PKHD1: variants seen among roughly 807,000 people sequenced by gnomAD.
The protein encoded by PKHD1 is PKHD1 ciliary IPT domain containing fibrocystin/polyductin, also known as fibrocystin.
Under a neutral mutation model 412.0 loss-of-function variants are expected in PKHD1, and 291 were observed. That is an observed-to-expected ratio of 0.71 (90% CI 0.64 to 0.78). The LOEUF (loss-of-function observed/expected upper bound fraction) is 0.78. Ranked by LOEUF, PKHD1 falls within the 30% of genes least tolerant of loss-of-function variation. PKHD1 has a pLI of 0.00. For synonymous variants in PKHD1, 1,777 were observed against 1,821.5 expected (o/e 0.98, Z 0.62); for missense variants, 4,825 against 4,950.7 (o/e 0.97, Z 0.76).
intron 37 of PKHD1, among the ~76,000 whole-genome samples, chr6:51,931,582 T>TA (rs1458375725): frequency 6.6e-6 from 1 of 152,158 alleles, no homozygotes; most frequent in Non-Finnish European, 1.5e-5. Context: ...CTCTGACAGA[T>TA]ACATCAGGAA....
chr6:51,934,767 G>C (rs1787206071), intron 36 of PKHD1, among the ~76,000 whole-genome samples: 1 of 152,136 alleles, frequency 6.6e-6, no homozygotes. Context: ...GGCATTTGTA[G>C]CATTTTAGCT....
chr6:51,836,068 C>A (rs913123362), intron 51 of PKHD1, among the ~76,000 whole-genome samples: 1 of 152,042 alleles, frequency 6.6e-6, no homozygotes, highest in Admixed American at 6.5e-5. Flanking sequence ...TTAGAGATAC[C>A]CTGAATTTTT....
chr6:51,710,724 T>A (rs1045526538), intron 60 of PKHD1, among the ~76,000 whole-genome samples: 4 of 152,218 alleles, frequency 2.6e-5, no homozygotes, highest in African/African-American at 9.6e-5. Flanking sequence ...ATTGAATATA[T>A]GCAACATATT....
In PKHD1 at chr6:51,834,308, G is replaced by A. The variant is rs1768797492; in HGVS notation, c.8173+2096C>T. Among the ~76,000 whole-genome samples the A allele has an allele frequency of 2.0e-5, 3 of 152,254 alleles. No individual in the cohort carries two copies. The South Asian group carries it at 6.2e-4, about 32-fold the overall frequency. On this transcript the variant is annotated intron_variant, in intron 51 of 66. Coordinates refer to ENST00000371117, the MANE Select transcript of PKHD1 (RefSeq NM_138694.4). ...ACTTTGAACAAGACTAGGGCTGCCTGATTCTCAGAGATCAAAGAAAGCGAC... is the reference window on the plus strand; with the variant it reads ...ACTTTGAACAAGACTAGGGCTGCCTAATTCTCAGAGATCAAAGAAAGCGAC...
chr6:51,934,272 C>A lies in PKHD1; in HGVS notation c.5959G>T (p.Ala1987Ser), dbSNP rs375949362. The stretch of plus-strand genomic sequence containing the variant: ...TCTCCACCATCAGAAACAAGGATGG[C>A]GTGTGCCCTGAGCTCGATGGGTCCT... Reference protein sequence around the residue: ...APGPIELRAHAILVSDGGELR... With the variant: ...APGPIELRAHSILVSDGGELR... Residue 1987 changes from alanine (A) to serine (S), a missense_variant, in exon 37 of 67, where the codon GCC (alanine) becomes TCC (serine). Transcript: ENST00000371117. 5 of 1,613,404 alleles carry A rather than the reference C, an allele frequency of 3.1e-6. No homozygotes were observed. The African/African-American group carries it at 5.3e-5, about 17-fold the overall frequency.
chr6:51,873,361 T>C (rs1776307561), intron 46 of PKHD1, among the ~76,000 whole-genome samples: 1 of 152,184 alleles, frequency 6.6e-6, no homozygotes, highest in Non-Finnish European at 1.5e-5. Context: ...GCTTGCCCTT[T>C]GGCTAGGGCG....
At chr6:51,841,949 T>G (rs1210955361) in intron 50 of PKHD1, among the ~76,000 whole-genome samples, 2 of 152,218 alleles carry the variant, frequency 1.3e-5, no homozygotes, top group African/African-American at 4.8e-5. Context: ...CACTCCTGAT[T>G]TTTTAGGCTC....
At chr6:52,074,497 T>G (rs1409533429) in intron 6 of PKHD1, among the ~76,000 whole-genome samples, 1 of 152,218 alleles carries the variant, frequency 6.6e-6, no homozygotes, top group Admixed American at 6.5e-5. Flanking sequence ...TTAATAGGGC[T>G]AAATGATCGA....
intron 55 of PKHD1, among the ~76,000 whole-genome samples, chr6:51,770,468 T>TA (rs1317477885): frequency 2.3e-5 from 3 of 130,744 alleles, no homozygotes; most frequent in African/African-American, 2.4e-5. Flanking sequence ...TTTCCTCTGG[T>TA]AAAAAAGTTA....
intron 52 of PKHD1, among the ~76,000 whole-genome samples, chr6:51,799,963 C>T (rs1033692701): frequency 6.6e-6 from 1 of 152,154 alleles, no homozygotes; most frequent in African/African-American, 2.4e-5. Flanking sequence ...CCTATCCTGT[C>T]AGTGACCAAT....
rs1448849583 is a variant in PKHD1, at chr6:52,066,581, A to C, written c.779-504T>G. Among the ~76,000 whole-genome samples the C allele has an allele frequency of 2.0e-5, 3 of 152,210 alleles. No individual in the cohort carries two copies. In the East Asian group the frequency reaches 5.8e-4, roughly 29 times the overall value. On this transcript the variant is annotated intron_variant, in intron 11 of 66. Coordinates refer to ENST00000371117, the MANE Select transcript of PKHD1 (RefSeq NM_138694.4). ...CACATGTACCTCACACCTCATACCC[A>C]GTTCTTTCATGCTGCTCCTGATTGT...
At chr6:51,874,251 G>A (rs1361952583) in intron 46 of PKHD1, among the ~76,000 whole-genome samples, 1 of 149,826 alleles carries the variant, frequency 6.7e-6, no homozygotes, top group Non-Finnish European at 1.5e-5. Context: ...TCGATAAGTA[G>A]GGTGACCGTA....
In PKHD1 at chr6:51,749,400, T is replaced by C. The variant is rs540071255; in HGVS notation, c.8951-735A>G. ...GTAGTTTTATTTGTACTGTTTTAAA[T>C]AGATATTGTTAAAACACACTATAAA... On this transcript the variant is annotated intron_variant, in intron 57 of 66. Transcript: ENST00000371117. 2.6e-5 allele frequency among the ~76,000 whole-genome samples: 4 copies of C among 152,316 alleles called. No individual in the cohort carries two copies. The East Asian group carries it at 7.7e-4, about 29-fold the overall frequency.
chr6:51,716,185 C>A lies in PKHD1; in HGVS notation c.10156+28200G>T, dbSNP rs576170695. Among the ~76,000 whole-genome samples, 11 of 152,186 alleles carry A rather than the reference C, an allele frequency of 7.2e-5. No homozygotes were observed. The South Asian group carries it at 2.3e-3, about 32-fold the overall frequency. ...TTTGTATAATAAGGCCAAGAGAAGA[C>A]CAAAAGCTAGAATGTTCTGTGAATA... On this transcript the variant is annotated intron_variant, in intron 60 of 66. Transcript: ENST00000371117.
chr6:51,775,441 C>G (rs1790859541), intron 54 of PKHD1, among the ~76,000 whole-genome samples: 1 of 151,766 alleles, frequency 6.6e-6, no homozygotes, highest in Admixed American at 6.6e-5. Flanking sequence ...AGTGAATGTT[C>G]CTTATTAATT....
chr6:51,741,020 C>A, intron 60 of PKHD1: 1 of 500,528 alleles, frequency 2.0e-6, no homozygotes, highest in Non-Finnish European at 4.0e-6. Context: ...TGCTTGTCCA[C>A]ACACTGATAG....
rs555055425 is a variant in PKHD1 at position 51,980,678 on chromosome 6, G to A, written c.5752-20652C>T. 2.0e-5 allele frequency among the ~76,000 whole-genome samples: 3 copies of A among 152,304 alleles called. No individual in the cohort carries two copies. In the East Asian group the frequency reaches 5.8e-4, roughly 29 times the overall value. On this transcript the variant is annotated intron_variant, in intron 35 of 66. Coordinates refer to ENST00000371117, the MANE Select transcript of PKHD1 (RefSeq NM_138694.4). ...GTGGACGTTTACAAGAGAAGGTAGAGAAAATGAAAGCTAAAAGGTAGCAGT... is the reference window on the plus strand; with the variant it reads ...GTGGACGTTTACAAGAGAAGGTAGAAAAAATGAAAGCTAAAAGGTAGCAGT...
At chr6:51,724,275 G>A (rs1782286443) in intron 60 of PKHD1, among the ~76,000 whole-genome samples, 1 of 152,008 alleles carries the variant, frequency 6.6e-6, no homozygotes, top group Admixed American at 6.6e-5. Context: ...GTGTTCAAAG[G>A]GAGTGATTTG....
rs765390756 is a variant in PKHD1, at chr6:51,659,170, TG to T, written c.10955del (p.Pro3652GlnfsTer2). On this transcript the variant is annotated frameshift_variant, in exon 61 of 67. Transcript: ENST00000371117. LOFTEE classifies it high-confidence loss of function. The stretch of plus-strand genomic sequence containing the variant: ...CTTTTGAGATAGTTTCCACAGTCAT[TG>T]GGGGTGAAGCCCTATGTGAGTTCAT... Reference protein sequence around the residue: ...MEMNSHRASPPMTVETISKVI... With the variant: ...MEMNSHRASPXMTVETISKVI... 5.0e-6 allele frequency: 8 copies of T among 1,613,786 alleles called. No individual in the cohort carries two copies. The highest frequency in any genetic ancestry group is 6.8e-6 in the Non-Finnish European group (8 of 1,179,834).
Sources: gnomAD v4.1 joint callset for allele counts (sites outside exome capture counted in the v4.1 genomes callset) on GRCh38, gnomAD v4.1.1 for gene constraint, MANE v1.5 for transcripts, NCBI Gene and HGNC (gene_info 2026-07-23, HGNC 2026-07-21) for gene names.